The following RPTOR variants were observed in gnomAD, a reference collection of about 807,000 sequenced individuals.
RPTOR encodes the protein regulatory associated protein of MTOR complex 1.
In RPTOR, 21 loss-of-function variants were observed where a neutral mutation model predicts 169.9. That is an observed-to-expected ratio of 0.12 (90% CI 0.09 to 0.18). The LOEUF (loss-of-function observed/expected upper bound fraction) is 0.18, where lower values mean the gene tolerates loss of function less well. RPTOR is among the 10% of genes least tolerant of loss of function. RPTOR has a pLI of 1.00. For missense variants in RPTOR, 1,133 were observed against 1,855.9 expected, an observed-to-expected ratio of 0.61 and a Z score of 7.16; for synonymous variants, 732 against 753.2, an observed-to-expected ratio of 0.97 and a Z score of 0.46.
intron 13 of RPTOR, among the ~76,000 whole-genome samples, chr17:80,875,810 T>G (rs2068102228): frequency 7.3e-6 from 1 of 137,270 alleles, no homozygotes; most frequent in Non-Finnish European, 1.6e-5. Flanking sequence ...GCCTGCCGGG[T>G]CTTCCCACCG....
rs62067931 is a variant in RPTOR, at chr17:80,743,723, G to A, written c.655-10287G>A. On this transcript the variant is annotated intron_variant, in intron 5 of 33. Coordinates refer to ENST00000306801, the MANE Select transcript of RPTOR (RefSeq NM_020761.3). The stretch of plus-strand genomic sequence containing the variant: ...TGGCTACTAGCACTGTCCTGGCTAC[G>A]AGCACAGCCCTGGCTACTAGCAGAG... 3.5e-5 allele frequency among the ~76,000 whole-genome samples: 2 copies of A among 57,018 alleles called. 1 individual carries two copies. The highest frequency in any genetic ancestry group is 9.3e-5 in the Non-Finnish European group (2 of 21,532). The allele number at this position is 57,018 out of a possible 152,430, so 37.4% of individuals were successfully genotyped here.
intron 3 of RPTOR, among the ~76,000 whole-genome samples, chr17:80,694,290 C>G (rs2143750251): frequency 6.6e-6 from 1 of 152,362 alleles, no homozygotes; most frequent in East Asian, 1.9e-4. Flanking sequence ...GTCCCAGGGG[C>G]AGGCATGCCC....
intron 19 of RPTOR, 30 bp from the exon 20 acceptor site, chr17:80,893,676 CA>C (rs779688581): frequency 5.0e-6 from 8 of 1,593,654 alleles, no homozygotes; most frequent in Non-Finnish European, 6.8e-6. Flanking sequence ...GTCCCGGGAG[CA>C]CCCCACTGAC....
intron 5 of RPTOR, among the ~76,000 whole-genome samples, chr17:80,741,551 G>T (rs749944625): frequency 7.9e-5 from 12 of 152,380 alleles, no homozygotes; most frequent in South Asian, 2.1e-4. Flanking sequence ...AGGCTGGAGG[G>T]TGGATGGAGG....
At chr17:80,706,203 C>A (rs2066140611) in intron 3 of RPTOR, among the ~76,000 whole-genome samples, 4 of 152,186 alleles carry the variant, frequency 2.6e-5, no homozygotes, top group Non-Finnish European at 4.4e-5. Flanking sequence ...ACTGACTCAT[C>A]AACTCAGGGC....
At chr17:80,923,424 C>G (rs1248934949) in intron 22 of RPTOR, 66 bp from the exon 23 acceptor site, 4 of 1,585,012 alleles carry the variant, frequency 2.5e-6, no homozygotes, top group Non-Finnish European at 3.5e-6. Flanking sequence ...GGAAGTTGTT[C>G]CATGTTCCCT....
intron 6 of RPTOR, among the ~76,000 whole-genome samples, chr17:80,776,356 T>G (rs2066892330): frequency 8.1e-6 from 1 of 123,336 alleles, no homozygotes; most frequent in South Asian, 2.8e-4. Context: ...GGAGTCTCAC[T>G]CTGTCTTCCC....
chr17:80,596,760 G>C (rs905567777), intron 1 of RPTOR, among the ~76,000 whole-genome samples: 2 of 152,132 alleles, frequency 1.3e-5, no homozygotes, highest in Non-Finnish European at 2.9e-5. Flanking sequence ...TATTTCAATG[G>C]ATCCAAAGAG....
intron 25 of RPTOR, chr17:80,941,741 A>G (rs2069031160): frequency 6.6e-6 from 1 of 152,262 alleles, no homozygotes; most frequent in African/African-American, 2.4e-5. Flanking sequence ...CGTAGGACAG[A>G]TGTCCTCCCT....
Position 80,891,850 on chromosome 17 carries a change from C to T in RPTOR, c.2101+13C>T. ...CCAGCAACCACAGGTATGGCGTCTT[C>T]TCCTGTGAACCCGCAGAGCACCTCG... On this transcript the variant is annotated intron_variant, in intron 18 of 33. Coordinates refer to ENST00000306801, the MANE Select transcript of RPTOR (RefSeq NM_020761.3). 1 of 1,568,456 alleles carries T rather than the reference C, an allele frequency of 6.4e-7. No homozygotes were observed. The highest frequency in any genetic ancestry group is 8.8e-7 in the Non-Finnish European group (1 of 1,139,626).
chr17:80,614,200 G>A (rs1246210265), intron 1 of RPTOR, among the ~76,000 whole-genome samples: 2 of 152,176 alleles, frequency 1.3e-5, no homozygotes, highest in South Asian at 2.1e-4. Flanking sequence ...CACATGCTGC[G>A]GTTGGGGGTC....
chr17:80,575,835 T>C (rs1006434479), intron 1 of RPTOR, among the ~76,000 whole-genome samples: 1 of 152,248 alleles, frequency 6.6e-6, no homozygotes, highest in East Asian at 1.9e-4. Context: ...TGTAAATATG[T>C]CTATTCTCCT....
chr17:80,729,263 C>G (rs1313723228), intron 4 of RPTOR, among the ~76,000 whole-genome samples: 1 of 152,150 alleles, frequency 6.6e-6, no homozygotes, highest in African/African-American at 2.4e-5. Context: ...GGATATGTGG[C>G]TTAGCTGCTA....
At chr17:80,892,184 G>A (rs565146287) in intron 18 of RPTOR, among the ~76,000 whole-genome samples, 20 of 152,238 alleles carry the variant, frequency 1.3e-4, no homozygotes, top group African/African-American at 1.9e-4. Context: ...TCTTGGCTCC[G>A]TGGCTCGGTG....
intron 1 of RPTOR, among the ~76,000 whole-genome samples, chr17:80,584,350 T>TAA (rs112094563): frequency 5.4e-5 from 8 of 149,250 alleles, no homozygotes; most frequent in African/African-American, 1.7e-4. Flanking sequence ...TCAGGGGAGC[T>TAA]AAAAAAAAAT....
chr17:80,892,356 G>C (rs1359849367), intron 18 of RPTOR, among the ~76,000 whole-genome samples: 1 of 152,198 alleles, frequency 6.6e-6, no homozygotes, highest in South Asian at 2.1e-4. Context: ...AAGCCCAGGA[G>C]GGGAGAAGGG....
chr17:80,846,142 C>T (rs1265444847), intron 10 of RPTOR, among the ~76,000 whole-genome samples: 1 of 152,268 alleles, frequency 6.6e-6, no homozygotes, highest in Non-Finnish European at 1.5e-5. Context: ...TCTTCACTCC[C>T]TTGTCCAGCC....
intron 25 of RPTOR, 97 bp from the exon 26 acceptor site, chr17:80,945,570 C>T (rs992951780): frequency 7.8e-5 from 55 of 701,578 alleles, no homozygotes; most frequent in Middle Eastern, 3.5e-4. Context: ...CCAGCCTGGG[C>T]GACAGAGCGA....
At chr17:80,598,437 T>TG (rs2065159688) in intron 1 of RPTOR, among the ~76,000 whole-genome samples, 2 of 152,188 alleles carry the variant, frequency 1.3e-5, no homozygotes, top group Admixed American at 1.3e-4. Flanking sequence ...ATTTCTGGGT[T>TG]GTACTGTTTT....
Sources: allele counts gnomAD v4.1 joint callset (sites outside exome capture counted in the v4.1 genomes callset), GRCh38; gene constraint gnomAD v4.1.1; transcripts MANE v1.5; gene names NCBI Gene and HGNC (gene_info 2026-07-23, HGNC 2026-07-21).